MTOR: variants seen among roughly 807,000 people sequenced by gnomAD.
MTOR encodes the protein mechanistic target of rapamycin kinase.
A neutral mutation model predicts 319.8 loss-of-function variants in MTOR; 70 were observed. The ratio of observed to expected loss-of-function variants is 0.22; its 90% CI spans 0.18 to 0.27. The LOEUF is 0.27. MTOR is among the 10% of genes least tolerant of loss of function. The pLI is 1.00. For missense variants in MTOR, 1,890 were observed against 3,274.4 expected (o/e 0.58, Z 10.32); for synonymous variants, 1,183 against 1,211.4 (o/e 0.98, Z 0.49).
chr1:11,250,991 T>C (rs1455976785), intron 6 of MTOR, among the ~76,000 whole-genome samples: 1 of 152,206 alleles, frequency 6.6e-6, no homozygotes, highest in Non-Finnish European at 1.5e-5. Context: ...ACTAAGACCA[T>C]GGCAATTCCC....
chr1:11,216,000 A>G, intron 20 of MTOR, 148 bp downstream of exon 20: 1 of 486,086 alleles, frequency 2.1e-6, no homozygotes, highest in Non-Finnish European at 3.6e-6. Flanking sequence ...CTCCCCCTCA[A>G]AATCCAGTGG....
chr1:11,190,479 A>C (rs1352136533), intron 28 of MTOR, among the ~76,000 whole-genome samples: 1 of 152,216 alleles, frequency 6.6e-6, no homozygotes, highest in Non-Finnish European at 1.5e-5. Context: ...GTAGAGACAC[A>C]TAACCATGTG....
At chr1:11,248,550 G>T (rs1649155153) in intron 6 of MTOR, among the ~76,000 whole-genome samples, 1 of 152,224 alleles carries the variant, frequency 6.6e-6, no homozygotes, top group African/African-American at 2.4e-5. Context: ...GGTGGCTCAT[G>T]CCTGTAATTC....
chr1:11,150,091 C>T (rs2100536454), intron 31 of MTOR, 35 bp downstream of exon 31: 1 of 1,589,048 alleles, frequency 6.3e-7, no homozygotes, highest in Non-Finnish European at 8.6e-7. Context: ...TCACTCACCC[C>T]ATCCTTCACA....
At chr1:11,112,959 T>C in intron 53 of MTOR, 42 bp from the exon 54 acceptor site, 1 of 1,588,354 alleles carries the variant, frequency 6.3e-7, no homozygotes, top group Non-Finnish European at 8.6e-7. Context: ...GCTTCAAATT[T>C]TGACTTGAAA....
intron 13 of MTOR, among the ~76,000 whole-genome samples, chr1:11,236,409 G>A (rs1217872169): frequency 6.6e-6 from 1 of 151,826 alleles, no homozygotes; most frequent in African/African-American, 2.4e-5. Flanking sequence ...AATGTGCTGG[G>A]ATAACAGACA....
At chr1:11,186,082 C>CAAAAAAA (rs765868801) in intron 28 of MTOR, among the ~76,000 whole-genome samples, 2 of 43,012 alleles carry the variant, frequency 4.6e-5, no homozygotes, top group Non-Finnish European at 4.8e-5. Context: ...GACTCCGTCT[C>CAAAAAAA]AAAAAAAAAA....
At chr1:11,236,674 AT>A (rs572553289) in intron 13 of MTOR, among the ~76,000 whole-genome samples, 3,673 of 147,828 alleles carry the variant, frequency 0.025, 73 homozygotes, top group Non-Finnish European at 0.037. Flanking sequence ...ATGCCTGGCT[AT>A]TTTTTTTTTA....
At chr1:11,255,755 G>C (rs779311284) in intron 5 of MTOR, among the ~76,000 whole-genome samples, 3 of 145,584 alleles carry the variant, frequency 2.1e-5, no homozygotes, top group Non-Finnish European at 4.5e-5. Flanking sequence ...TAAGGTGGGA[G>C]AAAATCGCTT....
Position 11,184,546 on chromosome 1 carries a change from C to T in MTOR, c.4253+14712G>A, listed in dbSNP as rs370716370. Among the ~76,000 whole-genome samples the T allele has an allele frequency of 4.2e-3, 645 of 152,218 alleles. 6 individuals are homozygous for T. The highest frequency in any genetic ancestry group is 0.015 in the African/African-American group (607 of 41,528). On this transcript the variant is annotated intron_variant, in intron 28 of 57. Coordinates refer to ENST00000361445, the MANE Select transcript of MTOR (RefSeq NM_004958.4). ...GCTAGGAGTTCCACACCAGCCTCAACATAGTGAGACTCCGTCTCTACAAAA... is the reference window on the plus strand; with the variant it reads ...GCTAGGAGTTCCACACCAGCCTCAATATAGTGAGACTCCGTCTCTACAAAA...
intron 8 of MTOR, 111 bp from the exon 9 acceptor site, chr1:11,243,411 G>A: frequency 9.7e-7 from 1 of 1,033,462 alleles, no homozygotes. Context: ...TAAGAAAGTG[G>A]CCAGGCACAG....
At chr1:11,243,650 G>C (rs1487843105) in intron 8 of MTOR, among the ~76,000 whole-genome samples, 2 of 148,370 alleles carry the variant, frequency 1.3e-5, no homozygotes, top group Admixed American at 1.4e-4. Flanking sequence ...ATCGTGTGCA[G>C]CACTGCACTC....
At chr1:11,231,491 G>A in intron 16 of MTOR, 57 bp from the exon 17 acceptor site, 1 of 1,594,028 alleles carries the variant, frequency 6.3e-7, no homozygotes, top group Non-Finnish European at 8.6e-7. Context: ...AGAAAGCATA[G>A]TTGAACTCTT....
intron 28 of MTOR, 122 bp from the exon 29 acceptor site, chr1:11,167,639 G>C (rs1644687697): frequency 1.4e-6 from 1 of 733,318 alleles, no homozygotes; most frequent in South Asian, 1.5e-5. Flanking sequence ...GATGCTGAAA[G>C]AGTATCAATT....
intron 30 of MTOR, among the ~76,000 whole-genome samples, chr1:11,153,119 T>C (rs77294844): frequency 0.03 from 4,549 of 152,274 alleles, 175 homozygotes; most frequent in Admixed American, 0.071. Flanking sequence ...TCTTCCAATG[T>C]ATCCAATCTG....
Position 11,115,281 on chromosome 1 carries a change from G to C in MTOR, c.7089+115C>G. On this transcript the variant is annotated intron_variant, in intron 51 of 57. Coordinates refer to ENST00000361445, the MANE Select transcript of MTOR (RefSeq NM_004958.4). This position sits in a 1 kb window ranked among gnomAD's most constrained non-coding sequence, Gnocchi z 4.5. ...CTGACTTAACTACAGCCTTGGTAGG[G>C]CCAGCAGGGGTTAAGAGTAAGGCAG... 1 of 966,514 alleles carries C rather than the reference G, an allele frequency of 1.0e-6. No individual in the cohort carries two copies. Among genetic ancestry groups the C allele is most frequent in the Non-Finnish European group, 1.7e-6 (1 of 601,704 alleles). 59.9% of individuals were successfully genotyped at this position (966,514 alleles called of 1,614,324 possible).
rs371281596 is a variant in MTOR at position 11,109,240 on chromosome 1, A to T, written c.7528+50T>A. 3.2e-5 allele frequency: 50 copies of T among 1,549,964 alleles called. No homozygotes were observed. Among genetic ancestry groups the T allele is most frequent in the Non-Finnish European group, 4.3e-5 (48 of 1,126,640 alleles). ...GGGCTGACCACCACTCAGAGAGGAA[A>T]GTGTGCTCAGATTTTATGTCCCTTT... On this transcript the variant is annotated intron_variant, in intron 56 of 57. Transcript: ENST00000361445. The surrounding 1 kb of genome is among the most constrained non-coding windows in gnomAD (Gnocchi z 4.0).
At chr1:11,200,624 G>T (rs573465066) in intron 26 of MTOR, among the ~76,000 whole-genome samples, 126 of 152,250 alleles carry the variant, frequency 8.3e-4, no homozygotes, top group African/African-American at 2.9e-3. Flanking sequence ...ATATTAACAG[G>T]TTAAGTTAGA....
At position 11,235,989 on chromosome 1, in the gene MTOR, AAAAG is replaced by A. The variant is rs1404262216; in HGVS notation, c.2209-1728_2209-1725del. Among the ~76,000 whole-genome samples the A allele has an allele frequency of 1.6e-3, 249 of 152,154 alleles. 2 individuals carry two copies. Among genetic ancestry groups the A allele is most frequent in the African/African-American group, 5.4e-3 (225 of 41,530 alleles). On this transcript the variant is annotated intron_variant, in intron 13 of 57. Transcript: ENST00000361445. ...GAGCGAGACTGTGTCTCAAAAAAAA[AAAAG>A]AAAGAAGATTGCAGCCACGCCTGGC...
Sources: allele counts gnomAD v4.1 joint callset (sites outside exome capture counted in the v4.1 genomes callset), GRCh38; gene constraint gnomAD v4.1.1; non-coding constraint Gnocchi (gnomAD v3.1); transcripts MANE v1.5; gene names NCBI Gene and HGNC (gene_info 2026-07-23, HGNC 2026-07-21).